The following CEP83 variants were observed in gnomAD, a reference collection of about 807,000 sequenced individuals.
CEP83 encodes centrosomal protein of 83 kDa.
Under a neutral mutation model 101.9 loss-of-function variants are expected in CEP83, and 70 were observed. The observed-to-expected ratio is 0.69, with a 90% CI of 0.57 to 0.84. CEP83 has a LOEUF of 0.84. Among genes scored for constraint, CEP83 ranks in the 40% least tolerant of loss-of-function variants. The pLI, the probability that CEP83 is intolerant of heterozygous loss-of-function variation, is 0.00. For missense variants in CEP83, 715 were observed against 787.2 expected (o/e 0.91, Z 1.10); for synonymous variants, 264 against 267.9 (o/e 0.99, Z 0.14).
At chr12:94,360,267 C>A (rs947971172) in intron 11 of CEP83, among the ~76,000 whole-genome samples, 3 of 152,060 alleles carry the variant, frequency 2.0e-5, no homozygotes, top group African/African-American at 7.2e-5. Flanking sequence ...CACTGGAAAT[C>A]TCAGCCAAAG....
chr12:94,285,781 TCTGGGTGGC>T, the CEP83 span, among the ~76,000 whole-genome samples: 6 of 152,118 alleles, frequency 3.9e-5, no homozygotes, highest in African/African-American at 1.4e-4. Flanking sequence ...TCTCCCTGTG[TCTGGGTGGC>T]AGGCTTGTCT....
intron 8 of CEP83, among the ~76,000 whole-genome samples, chr12:94,374,601 T>C (rs1411676238): frequency 6.6e-6 from 1 of 152,186 alleles, no homozygotes; most frequent in Non-Finnish European, 1.5e-5. Context: ...TATTTCCTAG[T>C]AGTTCTTACA....
chr12:94,318,886 C>A (rs1350606536), intron 14 of CEP83, among the ~76,000 whole-genome samples: 1 of 152,176 alleles, frequency 6.6e-6, no homozygotes, highest in Non-Finnish European at 1.5e-5. Context: ...TGTTGTGTCT[C>A]TGCCAGGTTT....
At chr12:94,360,171 A>G (rs544759294) in intron 11 of CEP83, among the ~76,000 whole-genome samples, 5 of 152,196 alleles carry the variant, frequency 3.3e-5, no homozygotes, top group Admixed American at 6.5e-5. Flanking sequence ...CTAACATCAT[A>G]CTGAACAAAA....
At chr12:94,348,225 T>G (rs1383200883) in intron 11 of CEP83, among the ~76,000 whole-genome samples, 3 of 150,688 alleles carry the variant, frequency 2.0e-5, no homozygotes, top group Non-Finnish European at 4.4e-5. Flanking sequence ...GAAAAAAAAT[T>G]TAAAAAAAAG....
chr12:94,301,549 A>G (rs1357448276), downstream of CEP83, among the ~76,000 whole-genome samples: 1 of 152,210 alleles, frequency 6.6e-6, no homozygotes, highest in Non-Finnish European at 1.5e-5. Context: ...TTGCTGATCA[A>G]TAGTCCCAAG....
intron 6 of CEP83, among the ~76,000 whole-genome samples, chr12:94,394,556 T>C (rs1221503802): frequency 2.6e-5 from 4 of 152,184 alleles, no homozygotes; most frequent in Admixed American, 6.5e-5. Flanking sequence ...ATTCAGGACA[T>C]AGGCATGGGC....
At chr12:94,299,596 G>T in the CEP83 span, among the ~76,000 whole-genome samples, 244 of 151,954 alleles carry the variant, frequency 1.6e-3, no homozygotes, top group Non-Finnish European at 2.6e-3. Flanking sequence ...TCTCACTCTT[G>T]TTGCCCAGGC....
chr12:94,418,773 A>T (rs2064487301), intron 2 of CEP83, among the ~76,000 whole-genome samples: 1 of 152,222 alleles, frequency 6.6e-6, no homozygotes, highest in Non-Finnish European at 1.5e-5. Flanking sequence ...AATAAATGCC[A>T]CTAAATTATA....
intron 14 of CEP83, among the ~76,000 whole-genome samples, chr12:94,331,289 GAAAAAAAA>G (rs568464808): frequency 2.3e-5 from 1 of 43,806 alleles, no homozygotes; most frequent in African/African-American, 1.3e-4. Context: ...CAGACTCTCA[GAAAAAAAA>G]AAAAAAAAAA....
chr12:94,354,957 G>A (rs1020794110), intron 11 of CEP83, among the ~76,000 whole-genome samples: 11 of 152,090 alleles, frequency 7.2e-5, no homozygotes, highest in East Asian at 5.8e-4. Context: ...AGCTGAGATC[G>A]TGCCACTGCA....
intron 5 of CEP83, chr12:94,401,420 A>G (rs903670888): frequency 2.0e-5 from 3 of 152,226 alleles, no homozygotes; most frequent in African/African-American, 7.2e-5. Flanking sequence ...TTAACATCTA[A>G]TTAAATATTA....
At chr12:94,282,394 A>T in the CEP83 span, 1 of 1,605,280 alleles carries the variant, frequency 6.2e-7, no homozygotes, top group Non-Finnish European at 8.5e-7. Context: ...ACCATTGGCC[A>T]CTATGAGGTA....
chr12:94,321,317 C>T (rs965621902), intron 14 of CEP83, among the ~76,000 whole-genome samples: 4 of 152,284 alleles, frequency 2.6e-5, no homozygotes, highest in African/African-American at 7.2e-5. Context: ...TTGCCATTCT[C>T]CTGAATCTTG....
At chr12:94,327,910 G>A (rs1010483551) in intron 14 of CEP83, among the ~76,000 whole-genome samples, 1 of 152,176 alleles carries the variant, frequency 6.6e-6, no homozygotes, top group Non-Finnish European at 1.5e-5. Flanking sequence ...GGAGTGACTA[G>A]TGGGATTATT....
At chr12:94,281,286 A>C in the CEP83 span, among the ~76,000 whole-genome samples, 1 of 152,166 alleles carries the variant, frequency 6.6e-6, no homozygotes, top group Non-Finnish European at 1.5e-5. Context: ...CTCCAAAAAA[A>C]ACAAAAACAA....
At chr12:94,376,557 A>T (rs551488159) in intron 7 of CEP83, among the ~76,000 whole-genome samples, 14 of 151,980 alleles carry the variant, frequency 9.2e-5, no homozygotes, top group Non-Finnish European at 1.8e-4. Context: ...CACAATTAAG[A>T]TTGTTAATGA....
chr12:94,394,421 T>C (rs980076339), intron 6 of CEP83, among the ~76,000 whole-genome samples: 4 of 152,258 alleles, frequency 2.6e-5, no homozygotes, highest in African/African-American at 9.6e-5. Flanking sequence ...TGGCTAGCCA[T>C]ATGTAGAAAG....
chr12:94,276,924 C>G, the CEP83 span: 1 of 152,164 alleles, frequency 6.6e-6, no homozygotes, highest in South Asian at 2.1e-4. Flanking sequence ...ACGGAGATCA[C>G]CGGCTTACCT....
Sources: gnomAD v4.1 joint callset for allele counts (sites outside exome capture counted in the v4.1 genomes callset) on GRCh38, gnomAD v4.1.1 for gene constraint, MANE v1.5 for transcripts, NCBI Gene and HGNC (gene_info 2026-07-23, HGNC 2026-07-21) for gene names.